The following KIAA0825 variants were observed in gnomAD, a reference collection of about 807,000 sequenced individuals.
The protein encoded by KIAA0825 is uncharacterized protein KIAA0825.
KIAA0825 carries 119 observed loss-of-function variants against 147.6 expected under a neutral mutation model. The ratio of observed to expected loss-of-function variants is 0.81; its 90% CI spans 0.69 to 0.94. The LOEUF (loss-of-function observed/expected upper bound fraction) is 0.94. Ranked by LOEUF, KIAA0825 falls within the 40% of genes least tolerant of loss-of-function variation. The pLI is 0.00. For missense variants in KIAA0825, 1,381 were observed against 1,472.7 expected (o/e 0.94, Z 1.02); for synonymous variants, 470 against 518.1 (o/e 0.91, Z 1.26).
chr5:94,390,217 C>T (rs914194512), intron 18 of KIAA0825, among the ~76,000 whole-genome samples: 14 of 152,084 alleles, frequency 9.2e-5, no homozygotes, highest in Admixed American at 5.2e-4. Flanking sequence ...AAAATAGGAC[C>T]GTTCTATCAG....
chr5:94,398,117 T>C (rs1562458231), intron 16 of KIAA0825, among the ~76,000 whole-genome samples: 1 of 152,118 alleles, frequency 6.6e-6, no homozygotes, highest in Admixed American at 6.6e-5. Context: ...AGTTTCTCAT[T>C]GCTGGGGCCA....
chr5:94,271,505 T>C (rs895855119), intron 20 of KIAA0825, among the ~76,000 whole-genome samples: 1 of 152,174 alleles, frequency 6.6e-6, no homozygotes, highest in Non-Finnish European at 1.5e-5. Context: ...CCTAACACTT[T>C]GAGAGGCCAA....
At chr5:94,220,148 A>T (rs1271391540) in intron 20 of KIAA0825, among the ~76,000 whole-genome samples, 6 of 152,034 alleles carry the variant, frequency 3.9e-5, no homozygotes, top group South Asian at 2.1e-4. Flanking sequence ...TACTTCTGAA[A>T]TTTTTTTTGT....
intron 20 of KIAA0825, among the ~76,000 whole-genome samples, chr5:94,275,349 C>G (rs1434799040): frequency 2.0e-5 from 3 of 152,100 alleles, no homozygotes; most frequent in Admixed American, 6.6e-5. Context: ...AGGGTAGGAT[C>G]TATGCAACTT....
intron 20 of KIAA0825, among the ~76,000 whole-genome samples, chr5:94,169,408 C>G (rs1375455673): frequency 2.0e-5 from 3 of 151,890 alleles, no homozygotes; most frequent in Non-Finnish European, 4.4e-5. Flanking sequence ...ATGGTGAAAC[C>G]CTGTCTCTAC....
chr5:94,524,100 T>C lies in KIAA0825; in HGVS notation c.132-2A>G. On this transcript the variant is annotated splice_acceptor_variant, in intron 3 of 20. Coordinates refer to ENST00000682413, the MANE Select transcript of KIAA0825 (RefSeq NM_001145678.3). LOFTEE classifies it high-confidence loss of function. ...ATCTCTTTAATGCAATGTTTTATGCTATAAAAAACAGAAGAAAAAGTTATT... is the reference window on the plus strand; with the variant it reads ...ATCTCTTTAATGCAATGTTTTATGCCATAAAAAACAGAAGAAAAAGTTATT... 1.3e-6 allele frequency: 2 copies of C among 1,586,350 alleles called. No homozygotes were observed. Among genetic ancestry groups the C allele is most frequent in the Non-Finnish European group, 1.7e-6 (2 of 1,166,400 alleles).
At chr5:94,427,072 A>T (rs942702358) in intron 14 of KIAA0825, among the ~76,000 whole-genome samples, 1 of 152,224 alleles carries the variant, frequency 6.6e-6, no homozygotes, top group African/African-American at 2.4e-5. Flanking sequence ...AAAATTTGCC[A>T]GCCCCTGTTC....
At chr5:94,395,303 A>G (rs79685893) in intron 17 of KIAA0825, among the ~76,000 whole-genome samples, 3,738 of 152,292 alleles carry the variant, frequency 0.025, 125 homozygotes, top group African/African-American at 0.084. Flanking sequence ...GCAGAAAGTT[A>G]TACTAGTATC....
intron 8 of KIAA0825, 132 bp downstream of exon 8, chr5:94,473,160 G>A: frequency 1.5e-6 from 1 of 662,648 alleles, no homozygotes. Context: ...GAAGAAAACT[G>A]GTACTGGGTC....
At chr5:94,441,230 C>T (rs1337288375) in intron 13 of KIAA0825, among the ~76,000 whole-genome samples, 2 of 151,856 alleles carry the variant, frequency 1.3e-5, no homozygotes, top group Non-Finnish European at 2.9e-5. Context: ...CCTAATTCTC[C>T]AGCCTCATCC....
intron 20 of KIAA0825, among the ~76,000 whole-genome samples, chr5:94,378,900 C>A (rs1216270197): frequency 6.6e-6 from 1 of 152,068 alleles, no homozygotes; most frequent in Non-Finnish European, 1.5e-5. Context: ...ATGTGTATGT[C>A]TTCTTTGAAA....
chr5:94,506,374 A>G (rs187293507), intron 5 of KIAA0825, among the ~76,000 whole-genome samples: 2 of 152,346 alleles, frequency 1.3e-5, no homozygotes, highest in Non-Finnish European at 2.9e-5. Flanking sequence ...AATTTCCATC[A>G]TTGAACAGTT....
chr5:94,562,723 G>A (rs187019052), intron 2 of KIAA0825, among the ~76,000 whole-genome samples: 4 of 152,216 alleles, frequency 2.6e-5, no homozygotes, highest in Admixed American at 1.3e-4. Flanking sequence ...TCCTTGTTGC[G>A]TGCAGATTGA....
intron 20 of KIAA0825, among the ~76,000 whole-genome samples, chr5:94,247,159 T>C (rs1192197841): frequency 6.6e-6 from 1 of 152,128 alleles, no homozygotes; most frequent in African/African-American, 2.4e-5. Context: ...ATTCCCACTA[T>C]TAGAGAGTTG....
intron 1 of KIAA0825, among the ~76,000 whole-genome samples, chr5:94,601,883 A>G (rs1392009889): frequency 2.0e-5 from 3 of 152,236 alleles, no homozygotes; most frequent in African/African-American, 7.2e-5. Context: ...TCCGAGAAAT[A>G]TGGGGTTACG....
At chr5:94,299,769 T>A (rs12660022) in intron 20 of KIAA0825, among the ~76,000 whole-genome samples, 29,862 of 152,106 alleles carry the variant, frequency 0.2, 3,532 homozygotes, top group Non-Finnish European at 0.25. Context: ...TTGAAATATG[T>A]TAGAGCAAGG....
chr5:94,313,373 C>T (rs1018759578), intron 20 of KIAA0825, among the ~76,000 whole-genome samples: 1 of 151,720 alleles, frequency 6.6e-6, no homozygotes, highest in South Asian at 2.1e-4. Context: ...TTGTTAAAAA[C>T]CTGTACTGGC....
intron 20 of KIAA0825, among the ~76,000 whole-genome samples, chr5:94,315,904 C>T (rs1446276126): frequency 2.0e-5 from 3 of 151,664 alleles, no homozygotes; most frequent in Non-Finnish European, 4.4e-5. Context: ...TGTTATGTGT[C>T]AGAATGCAGA....
At chr5:94,596,710 G>A (rs187479135) in intron 1 of KIAA0825, among the ~76,000 whole-genome samples, 47 of 152,218 alleles carry the variant, frequency 3.1e-4, no homozygotes, top group East Asian at 1.3e-3. Context: ...ATCCATGAGC[G>A]TGGAATGTTT....
Sources: allele counts gnomAD v4.1 joint callset (sites outside exome capture counted in the v4.1 genomes callset), GRCh38; gene constraint gnomAD v4.1.1; transcripts MANE v1.5; gene names NCBI Gene and HGNC (gene_info 2026-07-23, HGNC 2026-07-21).